The following RUNX1T1 variants were observed in gnomAD, a reference collection of about 807,000 sequenced individuals.
The protein encoded by RUNX1T1 is RUNX1 partner transcriptional co-repressor 1.
Under a neutral mutation model 62.8 loss-of-function variants are expected in RUNX1T1, and 4 were observed. The observed-to-expected ratio is 0.06, with a 90% CI of 0.03 to 0.15. The LOEUF (loss-of-function observed/expected upper bound fraction) is 0.15, where lower values mean the gene tolerates loss of function less well. Ranked by LOEUF, RUNX1T1 falls within the 10% of genes least tolerant of loss-of-function variation. The pLI, the probability that RUNX1T1 is intolerant of heterozygous loss-of-function variation, is 1.00. For missense variants in RUNX1T1, 508 were observed against 754.3 expected (o/e 0.67, Z 3.82); for synonymous variants, 291 against 286.0 (o/e 1.02, Z -0.18).
At chr8:92,077,887 A>G (rs1834667590) in intron 1 of RUNX1T1, among the ~76,000 whole-genome samples, 2 of 152,164 alleles carry the variant, frequency 1.3e-5, no homozygotes, top group South Asian at 4.1e-4. Context: ...GGCACATAAA[A>G]TTACCATGTG....
intron 2 of RUNX1T1, among the ~76,000 whole-genome samples, chr8:92,070,558 TTA>T (rs1833520449): frequency 6.6e-6 from 1 of 152,124 alleles, no homozygotes; most frequent in African/African-American, 2.4e-5. Context: ...ATTTAAATTA[TTA>T]TATATGTTTT....
At chr8:92,042,772 A>C (rs1371984572) in intron 1 of RUNX1T1, among the ~76,000 whole-genome samples, 1 of 152,250 alleles carries the variant, frequency 6.6e-6, no homozygotes, top group Non-Finnish European at 1.5e-5. Context: ...CTATTACTGT[A>C]ATCTGAGAAT....
intron 7 of RUNX1T1, 79 bp from the exon 9 acceptor site, chr8:91,986,404 A>G (rs1816575160): frequency 8.9e-7 from 1 of 1,123,770 alleles, no homozygotes; most frequent in Non-Finnish European, 1.3e-6. Flanking sequence ...GAAACAAACC[A>G]TTTCAGGACA....
chr8:91,969,182 A>G (rs1266867272), intron 10 of RUNX1T1, among the ~76,000 whole-genome samples: 1 of 152,220 alleles, frequency 6.6e-6, no homozygotes, highest in Non-Finnish European at 1.5e-5. Flanking sequence ...TTATAATGCT[A>G]AATATTGGTG....
chr8:92,091,672 T>G (rs751039336), intron 1 of RUNX1T1, among the ~76,000 whole-genome samples: 20 of 152,152 alleles, frequency 1.3e-4, no homozygotes, highest in Non-Finnish European at 2.6e-4. Flanking sequence ...CAGAAACTGG[T>G]GCTATATTGG....
At chr8:92,095,429 G>A in intron 1 of RUNX1T1, 26 of 1,535,542 alleles carry the variant, frequency 1.7e-5, no homozygotes, top group Non-Finnish European at 2.3e-5. Flanking sequence ...ACACACATTG[G>A]AGCTTATCAG....
At chr8:92,093,909 A>G (rs1837406180) in intron 1 of RUNX1T1, among the ~76,000 whole-genome samples, 1 of 152,238 alleles carries the variant, frequency 6.6e-6, no homozygotes, top group African/African-American at 2.4e-5. Flanking sequence ...AATTCGGGGT[A>G]GAATTAAAGA....
exon 11 of RUNX1T1, chr8:91,959,458 G>GTATATATA (rs1563590337): frequency 1.7e-5 from 2 of 119,144 alleles, no homozygotes; most frequent in African/African-American, 1.6e-4. Flanking sequence ...GTGTGTGTGT[G>GTATATATA]TGTGTGTGTA....
chr8:91,997,222 A>G (rs1818877865), intron 5 of RUNX1T1, among the ~76,000 whole-genome samples: 1 of 152,186 alleles, frequency 6.6e-6, no homozygotes, highest in Non-Finnish European at 1.5e-5. Context: ...CTTTAGTAAC[A>G]TTTATATAAA....
intron 1 of RUNX1T1, among the ~76,000 whole-genome samples, chr8:92,034,665 T>C (rs1401316193): frequency 1.7e-5 from 2 of 120,504 alleles, no homozygotes; most frequent in African/African-American, 3.7e-5. Context: ...AAATGGCATA[T>C]ATATATGTGT....
At chr8:91,991,567 A>C (rs1375332479) in intron 6 of RUNX1T1, 72 bp downstream of exon 7, 12 of 1,467,756 alleles carry the variant, frequency 8.2e-6, no homozygotes, top group Non-Finnish European at 9.3e-6. Flanking sequence ...GCCTCAAGTT[A>C]AGTTCAGAAA....
chr8:92,077,080 G>A (rs376985948), intron 1 of RUNX1T1, among the ~76,000 whole-genome samples: 3 of 152,094 alleles, frequency 2.0e-5, no homozygotes, highest in East Asian at 3.9e-4. Flanking sequence ...ATTAAAATCG[G>A]TGAACATATT....
At position 92,045,195 on chromosome 8, in the gene RUNX1T1, G is replaced by A. The variant is rs117233564; in HGVS notation, c.7+17351C>T. Among the ~76,000 whole-genome samples the A allele has an allele frequency of 4.9e-3, 751 of 151,982 alleles. 4 individuals are homozygous for A. The highest frequency in any genetic ancestry group is 0.041 in the Middle Eastern group (12 of 294). On this transcript the variant is annotated intron_variant, in intron 1 of 10. Coordinates refer to ENST00000396218, the Ensembl canonical transcript of RUNX1T1. ...ATTACCAAGTGGGAATTTATGCACC[G>A]CCAAAATAAACCATAATATAATTGC...
intron 4 of RUNX1T1, chr8:92,005,560 A>C: frequency 4.6e-6 from 2 of 432,116 alleles, no homozygotes; most frequent in South Asian, 3.6e-5. Context: ...CAAGTGGCAC[A>C]TTATTTTTAG....
intron 4 of RUNX1T1, among the ~76,000 whole-genome samples, chr8:92,008,386 T>TCACACACA (rs1320545508): frequency 1.6e-3 from 80 of 49,116 alleles, no homozygotes; most frequent in East Asian, 8.2e-3. Context: ...TCTCTCTCTC[T>TCACACACA]CTCACACACA....
upstream of RUNX1T1, among the ~76,000 whole-genome samples, chr8:92,063,334 G>A (rs951206101): frequency 2.0e-5 from 3 of 152,076 alleles, no homozygotes; most frequent in Non-Finnish European, 2.9e-5. Context: ...TGGGATCCCC[G>A]GGTTGATATG....
Position 92,095,259 on chromosome 8 carries a change from G to C in RUNX1T1, c.-86+4321C>G, listed in dbSNP as rs1017227006. The C allele has an allele frequency of 5.9e-6, 9 of 1,520,126 alleles. No homozygotes were observed. In the African/African-American group the frequency reaches 1.1e-4, roughly 19 times the overall value. 94.2% of individuals were successfully genotyped at this position (1,520,126 alleles called of 1,614,324 possible). On this transcript the variant is annotated intron_variant, in intron 1 of 11. Transcript: ENST00000265814. ...TCATTTGGAAAGGGAGAGAGGGAGA[G>C]AGAAAAGCCGCCTCCCCACGCCCCC...
At chr8:92,097,620 A>T (rs58826273) in intron 1 of RUNX1T1, among the ~76,000 whole-genome samples, 3,581 of 152,114 alleles carry the variant, frequency 0.024, 115 homozygotes, top group African/African-American at 0.079. Context: ...CTATTTTTTT[A>T]AAAAAAATTG....
upstream of RUNX1T1, chr8:92,103,171 G>GCCTCCCTC: frequency 5.7e-6 from 2 of 350,656 alleles, no homozygotes; most frequent in Non-Finnish European, 1.0e-5. Flanking sequence ...CCCTCCTCCC[G>GCCTCCCTC]CCTCCCTCCC....
Sources: gnomAD v4.1 joint callset for allele counts (sites outside exome capture counted in the v4.1 genomes callset) on GRCh38, gnomAD v4.1.1 for gene constraint, MANE v1.5 for transcripts, NCBI Gene and HGNC (gene_info 2026-07-23, HGNC 2026-07-21) for gene names.